VPS13C: variants seen among roughly 807,000 people sequenced by gnomAD.
VPS13C encodes the protein vacuolar protein sorting 13 homolog C, also known as intermembrane lipid transfer protein VPS13C.
In VPS13C, 358 loss-of-function variants were observed where a neutral mutation model predicts 456.8. The ratio of observed to expected loss-of-function variants is 0.78; its 90% CI spans 0.72 to 0.86. The LOEUF (loss-of-function observed/expected upper bound fraction) is 0.86. VPS13C is among the 40% of genes least tolerant of loss of function. The pLI is 0.00. For missense variants in VPS13C, 4,818 were observed against 4,385.4 expected (o/e 1.10, Z -2.79); for synonymous variants, 1,578 against 1,486.7 (o/e 1.06, Z -1.41).
chr15:62,037,186 T>G (rs1474010936), intron 3 of VPS13C, among the ~76,000 whole-genome samples: 6 of 114,768 alleles, frequency 5.2e-5, no homozygotes, highest in Admixed American at 1.2e-4. Flanking sequence ...AATATAAATA[T>G]AAATATAATA....
intron 26 of VPS13C, among the ~76,000 whole-genome samples, 190 bp downstream of exon 26, chr15:61,973,264 C>T (rs1160863033): frequency 6.6e-6 from 1 of 152,060 alleles, no homozygotes; most frequent in Non-Finnish European, 1.5e-5. Context: ...CTTCATTTGT[C>T]CAACGAAGAC....
Position 61,952,061 on chromosome 15 carries a change from G to C in VPS13C, c.4300-81C>G, listed in dbSNP as rs972120215. The C allele has an allele frequency of 4.8e-6, 7 of 1,473,468 alleles. No individual in the cohort carries two copies. In the Admixed American group the frequency reaches 6.0e-5, roughly 13 times the overall value. 91.3% of individuals were successfully genotyped at this position (1,473,468 alleles called of 1,614,324 possible). A position where few individuals can be genotyped will look rare whatever the true frequency, so the allele number is the denominator to read the frequency against. On this transcript the variant is annotated intron_variant, in intron 38 of 84. Coordinates refer to ENST00000644861, the MANE Select transcript of VPS13C (RefSeq NM_020821.3). Reference sequence around the variant, plus strand: ...AAGTCAAGAATTTAATAAGTATCCAGAGTGATATAAGGAAGAAATTCACAC... The same window carrying C: ...AAGTCAAGAATTTAATAAGTATCCACAGTGATATAAGGAAGAAATTCACAC...
chr15:62,018,006 C>T (rs979196370), intron 9 of VPS13C, among the ~76,000 whole-genome samples: 36 of 152,178 alleles, frequency 2.4e-4, no homozygotes, highest in South Asian at 1.0e-3. Flanking sequence ...CTTCACGTCC[C>T]TTGTAAGTTG....
chr15:61,906,144 G>A (rs927698018), intron 66 of VPS13C, among the ~76,000 whole-genome samples: 3 of 152,046 alleles, frequency 2.0e-5, no homozygotes, highest in Admixed American at 2.0e-4. Flanking sequence ...CCTAGTGTTT[G>A]CCAACAATGT....
At position 61,856,538 on chromosome 15, in the gene VPS13C, A is replaced by T. The variant is rs533505320; in HGVS notation, c.10953-129T>A. ...AACAATATAAACTGGCACTAAAAAA[A>T]AAACCTGCTTCATTTTTTTTAAGTC... On this transcript the variant is annotated intron_variant, in intron 82 of 84. Coordinates refer to ENST00000644861, the MANE Select transcript of VPS13C (RefSeq NM_020821.3). 4 of 1,074,776 alleles carry T rather than the reference A, an allele frequency of 3.7e-6. No individual in the cohort carries two copies. In the African/African-American group the frequency reaches 6.7e-5, roughly 18 times the overall value. 66.6% of individuals were successfully genotyped at this position (1,074,776 alleles called of 1,614,324 possible). A position where few individuals can be genotyped will look rare whatever the true frequency, so the allele number is the denominator to read the frequency against.
At position 61,920,582 on chromosome 15, in the gene VPS13C, T is replaced by A. The variant is rs17238189; in HGVS notation, c.7128A>T (p.Gln2376His). The change falls in exon 56 of 85, where the codon CAA (glutamine) becomes CAT (histidine). Residue 2376 changes from glutamine to histidine, a missense_variant. Gln to His is a conservative substitution (Grantham distance 24). Coordinates refer to ENST00000644861, the MANE Select transcript of VPS13C (RefSeq NM_020821.3). ...LPGDDFIPEP[Q>H]MAIHISSGNT... The stretch of plus-strand genomic sequence containing the variant: ...TTCCTGAAGAAATATGAATTGCCAT[T>A]TGTGGCTCAGGAATAAAATCATCTC... 19 of 1,592,700 alleles carry A rather than the reference T, an allele frequency of 1.2e-5. No individual in the cohort carries two copies. Among genetic ancestry groups the A allele is most frequent in the Non-Finnish European group, 1.4e-5 (16 of 1,174,030 alleles).
chr15:61,880,566 A>G, intron 73 of VPS13C, 43 bp downstream of exon 73: 1 of 1,370,566 alleles, frequency 7.3e-7, no homozygotes, highest in East Asian at 2.4e-5. Context: ...AAAAAGTTCT[A>G]CAATAATTTC....
intron 1 of VPS13C, among the ~76,000 whole-genome samples, chr15:62,053,347 C>G (rs1400933368): frequency 6.6e-6 from 1 of 152,174 alleles, no homozygotes; most frequent in Non-Finnish European, 1.5e-5. Context: ...AGCTGCCCTA[C>G]AGGTACCTGT....
chr15:61,998,778 T>G (rs2046484010), intron 16 of VPS13C, among the ~76,000 whole-genome samples: 1 of 152,142 alleles, frequency 6.6e-6, no homozygotes, highest in Non-Finnish European at 1.5e-5. Flanking sequence ...ACGGCATGAG[T>G]ACACTTATAC....
chr15:62,003,460 TG>T (rs2046711248), intron 15 of VPS13C, among the ~76,000 whole-genome samples: 1 of 152,158 alleles, frequency 6.6e-6, no homozygotes, highest in Non-Finnish European at 1.5e-5. Flanking sequence ...TCATGTCGTC[TG>T]CAAACAGGGA....
chr15:61,894,043 T>C (rs62009082), intron 66 of VPS13C, among the ~76,000 whole-genome samples: 10,133 of 152,186 alleles, frequency 0.067, 365 homozygotes, highest in Non-Finnish European at 0.081. Context: ...CAGTGGCTCA[T>C]GCCTGTAATC....
intron 5 of VPS13C, among the ~76,000 whole-genome samples, chr15:62,030,428 C>G (rs2047774329): frequency 6.6e-6 from 1 of 152,042 alleles, no homozygotes; most frequent in Non-Finnish European, 1.5e-5. Context: ...AATTCATCTT[C>G]TGCCGTGACT....
intron 3 of VPS13C, among the ~76,000 whole-genome samples, chr15:62,040,721 A>C (rs2140707475): frequency 6.6e-6 from 1 of 152,226 alleles, no homozygotes; most frequent in East Asian, 1.9e-4. Context: ...AAAATGTATA[A>C]ATTAAATAAA....
chr15:61,916,322 G>A (rs1286617992), intron 60 of VPS13C, among the ~76,000 whole-genome samples: 1 of 152,172 alleles, frequency 6.6e-6, no homozygotes, highest in Non-Finnish European at 1.5e-5. Flanking sequence ...CCTGGCTGTT[G>A]TCCATTAGAG....
intron 1 of VPS13C, among the ~76,000 whole-genome samples, chr15:62,046,330 G>C (rs1023986547): frequency 6.6e-6 from 1 of 152,152 alleles, no homozygotes; most frequent in East Asian, 1.9e-4. Context: ...TCCAGATGCA[G>C]GAGTAATAAA....
intron 79 of VPS13C, among the ~76,000 whole-genome samples, chr15:61,870,508 C>G (rs1894941062): frequency 6.6e-6 from 1 of 152,076 alleles, no homozygotes; most frequent in African/African-American, 2.4e-5. Flanking sequence ...GAAAATATCA[C>G]CTTTTGTTTA....
In VPS13C at chr15:62,033,452, G is replaced by T; in HGVS notation, c.374C>A (p.Ala125Glu). Reference protein sequence around the residue: ...LSRIEEALQKAAEKGTHSGEF... With the variant: ...LSRIEEALQKEAEKGTHSGEF... ...AAAAAACTTTTTACCTTTTTCTGCT[G>T]CTTTTTGAAGGGCTTCTTCAATTCG... The change falls in exon 5 of 85, where the codon GCA becomes GAA. Residue 125 changes from alanine (A) to glutamate (E), a missense_variant. Ala to Glu is a moderately radical substitution (Grantham distance 107). Around this residue, in one of 3 missense-constraint regions of VPS13C, gnomAD observed 4,552 missense variants for 4,130.6 expected, o/e 1.10. Transcript: ENST00000644861. The T allele has an allele frequency of 6.3e-7, 1 of 1,598,528 alleles. No individual in the cohort carries two copies. The highest frequency in any genetic ancestry group is 8.5e-7 in the Non-Finnish European group (1 of 1,173,068).
At position 61,861,582 on chromosome 15, in the gene VPS13C, A is replaced by G. The variant is rs560438000; in HGVS notation, c.10952+1858T>C. Among the ~76,000 whole-genome samples, 8 of 152,274 alleles carry G rather than the reference A, an allele frequency of 5.3e-5. No homozygotes were observed. The South Asian group carries it at 1.5e-3, about 28-fold the overall frequency. ...TGGATGTGGTGGTGCATGTATGCCT[A>G]TAGTCCAGGCTACTTAACAGGCTGA... is the stretch of plus-strand genomic sequence containing the variant. On this transcript the variant is annotated intron_variant, in intron 82 of 84. Coordinates refer to ENST00000644861, the MANE Select transcript of VPS13C (RefSeq NM_020821.3).
chr15:61,971,579 G>T (rs2045557831), intron 27 of VPS13C, among the ~76,000 whole-genome samples: 1 of 152,112 alleles, frequency 6.6e-6, no homozygotes, highest in Admixed American at 6.6e-5. Flanking sequence ...ACTCTTAAAG[G>T]ATCAATCTGG....
Sources: allele counts gnomAD v4.1 joint callset (sites outside exome capture counted in the v4.1 genomes callset), GRCh38; gene constraint gnomAD v4.1.1; regional missense constraint gnomAD v4.1.1; transcripts MANE v1.5; gene names NCBI Gene and HGNC (gene_info 2026-07-23, HGNC 2026-07-21).